Variants in PRMT8 observed in about 807,000 individuals in gnomAD.
PRMT8 encodes the protein protein arginine N-methyltransferase 8.
Under a neutral mutation model 47.1 loss-of-function variants are expected in PRMT8, and 7 were observed. The ratio of observed to expected loss-of-function variants is 0.15; its 90% CI spans 0.08 to 0.28. The LOEUF is 0.28. PRMT8 is among the 10% of genes least tolerant of loss of function. The probability of loss-of-function intolerance (pLI) is 1.00; values close to 1 mark genes in which losing one functional copy is unlikely to be tolerated. For synonymous variants in PRMT8, 188 were observed against 186.5 expected, an observed-to-expected ratio of 1.01 and a Z score of -0.07; for missense variants, 237 against 505.4, an observed-to-expected ratio of 0.47 and a Z score of 5.09.
At chr12:3,517,263 T>C (rs1000611207) in intron 1 of PRMT8, among the ~76,000 whole-genome samples, 7 of 152,188 alleles carry the variant, frequency 4.6e-5, no homozygotes, top group African/African-American at 1.4e-4. Flanking sequence ...CTGAGTCCAT[T>C]CCTTGGGTTT....
intron 1 of PRMT8, among the ~76,000 whole-genome samples, chr12:3,422,044 T>A (rs1357315877): frequency 3.9e-5 from 6 of 152,156 alleles, no homozygotes; most frequent in Non-Finnish European, 1.5e-5. Context: ...GGTGGGGCCA[T>A]AGGGAAAAGG....
At chr12:3,472,785 C>G (rs1865173479) in intron 1 of PRMT8, among the ~76,000 whole-genome samples, 1 of 152,052 alleles carries the variant, frequency 6.6e-6, no homozygotes, top group Non-Finnish European at 1.5e-5. Flanking sequence ...ATGGGAGGTC[C>G]AAAGCTCCAT....
rs563044297 is a variant in PRMT8 at position 3,403,796 on chromosome 12, G to A, written c.48+22354G>A. On this transcript the variant is annotated intron_variant, in intron 1 of 9. Transcript: ENST00000452611. ...GGAAGCTGAGGCAGGAGAATCACTT[G>A]AATTCGGGAGGTGGAGGTTGCAGTG... Among the ~76,000 whole-genome samples, 8 of 141,742 alleles carry A rather than the reference G, an allele frequency of 5.6e-5. No homozygotes were observed. In the South Asian group the frequency reaches 1.8e-3, roughly 32 times the overall value. 93.0% of individuals were successfully genotyped at this position (141,742 alleles called of 152,430 possible). A position where few individuals can be genotyped will look rare whatever the true frequency, so the allele number is the denominator to read the frequency against.
intron 7 of PRMT8, 86 bp downstream of exon 7, chr12:3,577,072 C>A: frequency 8.9e-7 from 1 of 1,120,710 alleles, no homozygotes. Flanking sequence ...GGCTCCTGCA[C>A]AGCCCCCACC....
At position 3,568,824 on chromosome 12, in the gene PRMT8, G is replaced by A; in HGVS notation, c.600G>A (p.Val200=). 6.2e-7 allele frequency: 1 copy of A among 1,614,190 alleles called. No homozygotes were observed. The highest frequency in any genetic ancestry group is 8.5e-7 in the Non-Finnish European group (1 of 1,180,038). The change falls in exon 5 of 10, where the codon GTG becomes GTA. Residue 200 remains valine, a synonymous_variant. Transcript: ENST00000382622. ...CLFYESMLNT[V]IFARDKWLKP... Reference sequence around the variant, plus strand: ...TCTATGAGTCCATGCTCAACACGGTGATCTTTGCCAGGGACAAGTGGCTGG... The same window carrying A: ...TCTATGAGTCCATGCTCAACACGGTAATCTTTGCCAGGGACAAGTGGCTGG...
intron 1 of PRMT8, among the ~76,000 whole-genome samples, chr12:3,404,883 T>C (rs1447728274): frequency 6.6e-6 from 1 of 152,224 alleles, no homozygotes; most frequent in African/African-American, 2.4e-5. Flanking sequence ...CACTTTATGA[T>C]TATGAAATAC....
chr12:3,461,747 GAA>G (rs1865044308), intron 1 of PRMT8, among the ~76,000 whole-genome samples: 1 of 152,092 alleles, frequency 6.6e-6, no homozygotes, highest in African/African-American at 2.4e-5. Context: ...AACCTAAAAG[GAA>G]GAGGCTGAGA....
In PRMT8 at chr12:3,583,058, G is replaced by C; in HGVS notation, c.829G>C (p.Glu277Gln). 1 of 1,612,872 alleles carries C rather than the reference G, an allele frequency of 6.2e-7. No individual in the cohort carries two copies. Among genetic ancestry groups the C allele is most frequent in the Non-Finnish European group, 8.5e-7 (1 of 1,179,544 alleles). Residue 277 changes from glutamate to glutamine, a missense_variant and splice_region_variant, in exon 8 of 10, where the codon GAG (glutamate) becomes CAG (glutamine). Transcript: ENST00000382622. This position sits in a 1 kb window ranked among gnomAD's most constrained non-coding sequence, Gnocchi z 4.7. Reference sequence around the variant, plus strand: ...GCATTCTCTCTTCTCTGGGCTGCAGGAGGTGGACATTTACACAGTGAAGAC... The same window carrying C: ...GCATTCTCTCTTCTCTGGGCTGCAGCAGGTGGACATTTACACAGTGAAGAC... ...QVVTNACLIK[E>Q]VDIYTVKTEE...
At position 3,569,912 on chromosome 12, in the gene PRMT8, C is replaced by G. The variant is rs1866815253; in HGVS notation, c.712+348C>G. Among the ~76,000 whole-genome samples the G allele has an allele frequency of 6.6e-6, 1 of 152,138 alleles. No homozygotes were observed. Among genetic ancestry groups the G allele is most frequent in the Non-Finnish European group, 1.5e-5 (1 of 68,038 alleles). On this transcript the variant is annotated intron_variant, in intron 6 of 9. Transcript: ENST00000382622. The surrounding 1 kb of genome is among the most constrained non-coding windows in gnomAD (Gnocchi z 8.2). The stretch of plus-strand genomic sequence containing the variant: ...GAAACCTGTCAAGGTTCAGTTAGCC[C>G]AAAAGTCCACCGCAGGGGTCTGAAG...
intron 1 of PRMT8, among the ~76,000 whole-genome samples, chr12:3,497,292 T>G (rs1018375769): frequency 2.6e-5 from 4 of 152,160 alleles, no homozygotes; most frequent in Non-Finnish European, 4.4e-5. Flanking sequence ...GAAAGGTCAT[T>G]CTGTCCATGC....
rs143468326 is a variant in PRMT8, at chr12:3,568,479, G to A, written c.482-227G>A. ...ATACCACGCATATAACGGGCTTAGCGCTATGCCAGGCACATAGTAATGGCT... is the reference window on the plus strand; with the variant it reads ...ATACCACGCATATAACGGGCTTAGCACTATGCCAGGCACATAGTAATGGCT... On this transcript the variant is annotated intron_variant, in intron 4 of 9. Coordinates refer to ENST00000382622, the MANE Select transcript of PRMT8 (RefSeq NM_019854.5). Among the ~76,000 whole-genome samples, 310 of 152,358 alleles carry A rather than the reference G, an allele frequency of 2.0e-3. 5 individuals are homozygous for A. Among genetic ancestry groups the A allele is most frequent in the Middle Eastern group, 0.017 (5 of 294 alleles).
At chr12:3,465,911 G>A (rs373033642) in intron 1 of PRMT8, among the ~76,000 whole-genome samples, 2 of 152,222 alleles carry the variant, frequency 1.3e-5, no homozygotes, top group Admixed American at 6.5e-5. Context: ...AGCTTCTGAC[G>A]CCTAAGAAAT....
intron 4 of PRMT8, among the ~76,000 whole-genome samples, chr12:3,555,227 G>A (rs1254583066): frequency 2.0e-5 from 3 of 152,210 alleles, no homozygotes; most frequent in African/African-American, 7.2e-5. Context: ...AAAAATATCA[G>A]GTGGTGATAA....
intron 1 of PRMT8, among the ~76,000 whole-genome samples, chr12:3,434,230 C>T (rs774040035): frequency 1.6e-4 from 24 of 152,164 alleles, no homozygotes; most frequent in Non-Finnish European, 2.9e-4. Flanking sequence ...GTAGCCCAGA[C>T]AGGAGAAGGC....
intron 1 of PRMT8, among the ~76,000 whole-genome samples, chr12:3,475,316 C>T (rs533413264): frequency 1.3e-5 from 2 of 152,292 alleles, no homozygotes; most frequent in African/African-American, 2.4e-5. Flanking sequence ...AGGAAATGCA[C>T]GATTTCTTAT....
At position 3,514,191 on chromosome 12, in the gene PRMT8, C is replaced by T. The variant is rs1439984106; in HGVS notation, c.75+22491C>T. Among the ~76,000 whole-genome samples, 1 of 151,640 alleles carries T rather than the reference C, an allele frequency of 6.6e-6. No individual in the cohort carries two copies. On this transcript the variant is annotated intron_variant, in intron 1 of 9. Coordinates refer to ENST00000382622, the MANE Select transcript of PRMT8 (RefSeq NM_019854.5). This position sits in a 1 kb window ranked among gnomAD's most constrained non-coding sequence, Gnocchi z 5.9. ...TCAGGCTGCCGTGCAGATGTTCTAG[C>T]CTCTCTGAATTCATCCTGCCTTTTT...
At chr12:3,445,684 C>A (rs1864848812) in intron 1 of PRMT8, among the ~76,000 whole-genome samples, 1 of 152,322 alleles carries the variant, frequency 6.6e-6, no homozygotes, top group Non-Finnish European at 1.5e-5. Flanking sequence ...AGGAACGGCT[C>A]TGCACACAGT....
At chr12:3,507,758 CT>C (rs928102421) in intron 1 of PRMT8, among the ~76,000 whole-genome samples, 9,881 of 132,582 alleles carry the variant, frequency 0.075, 354 homozygotes, top group African/African-American at 0.14. Flanking sequence ...TCTTCTCCTT[CT>C]TTTTTTTTTT....
Position 3,492,423 on chromosome 12 carries a change from G to T in PRMT8, c.75+723G>T, listed in dbSNP as rs1213495878. On this transcript the variant is annotated intron_variant, in intron 1 of 9. Transcript: ENST00000382622. The surrounding 1 kb of genome is among the most constrained non-coding windows in gnomAD (Gnocchi z 7.5). ...CCCCTGCAGCAGCCGAGCCTGCGCG[G>T]ACTGTGGGGGCTGCGCGCCGCCGGC... 2.0e-5 allele frequency among the ~76,000 whole-genome samples: 3 copies of T among 152,326 alleles called. No homozygotes were observed. The South Asian group carries it at 6.2e-4, about 32-fold the overall frequency.
Sources: allele counts gnomAD v4.1 joint callset (sites outside exome capture counted in the v4.1 genomes callset), GRCh38; gene constraint gnomAD v4.1.1; non-coding constraint Gnocchi (gnomAD v3.1); transcripts MANE v1.5; gene names NCBI Gene and HGNC (gene_info 2026-07-23, HGNC 2026-07-21).